Variants in KAZN observed in about 807,000 individuals in gnomAD.
KAZN encodes kazrin.
In KAZN, 40 loss-of-function variants were observed where a neutral mutation model predicts 87.4. The ratio of observed to expected loss-of-function variants is 0.46; its 90% CI spans 0.36 to 0.60. The LOEUF (loss-of-function observed/expected upper bound fraction) is 0.60. Among genes scored for constraint, KAZN ranks in the 20% least tolerant of loss-of-function variants. KAZN has a pLI of 0.00. For synonymous variants in KAZN, 466 were observed against 458.3 expected, an observed-to-expected ratio of 1.02 and a Z score of -0.22; for missense variants, 898 against 1,073.9, an observed-to-expected ratio of 0.84 and a Z score of 2.29.
chr1:14,674,402 CA>C (rs1472404483), intron 1 of KAZN, among the ~76,000 whole-genome samples: 2 of 152,182 alleles, frequency 1.3e-5, no homozygotes, highest in Admixed American at 1.3e-4. Flanking sequence ...TTGCTGAAAG[CA>C]AAGGTCACCC....
chr1:14,689,814 C>T (rs898103222), intron 1 of KAZN, among the ~76,000 whole-genome samples: 3 of 152,178 alleles, frequency 2.0e-5, no homozygotes, highest in Non-Finnish European at 2.9e-5. Flanking sequence ...TGGTGAGACC[C>T]TCAGATGGCA....
At chr1:14,571,839 G>C (rs931536547) in intron 2 of KAZN, among the ~76,000 whole-genome samples, 1 of 152,214 alleles carries the variant, frequency 6.6e-6, no homozygotes, top group Admixed American at 6.5e-5. Context: ...GGCAGGGAAG[G>C]AGAGGCAGGG....
chr1:14,595,697 A>AG (rs1484921573), upstream of KAZN, among the ~76,000 whole-genome samples: 3 of 149,042 alleles, frequency 2.0e-5, no homozygotes, highest in African/African-American at 7.7e-5. Flanking sequence ...AAAAAAAAAA[A>AG]AGAAAAAGAA....
intron 1 of KAZN, among the ~76,000 whole-genome samples, chr1:14,088,394 G>A (rs781325358): frequency 1.3e-5 from 2 of 151,562 alleles, no homozygotes; most frequent in Non-Finnish European, 3.0e-5. Context: ...TTGACCCATG[G>A]GTTATTTAGA....
intron 2 of KAZN, among the ~76,000 whole-genome samples, chr1:14,390,491 G>A (rs1489358635): frequency 6.6e-6 from 1 of 152,218 alleles, no homozygotes; most frequent in Non-Finnish European, 1.5e-5. Context: ...AGAAAGCTGT[G>A]CAAATGTTTT....
intron 2 of KAZN, among the ~76,000 whole-genome samples, chr1:14,268,324 T>C (rs1421422053): frequency 6.6e-6 from 1 of 152,206 alleles, no homozygotes; most frequent in Admixed American, 6.5e-5. Context: ...GCCTAGCACA[T>C]AGGGCCGACT....
At chr1:13,926,538 C>T (rs555477799) in intron 1 of KAZN, among the ~76,000 whole-genome samples, 6 of 152,136 alleles carry the variant, frequency 3.9e-5, no homozygotes, top group Admixed American at 6.5e-5. Flanking sequence ...GGCATGTACA[C>T]GTGTAGCCAG....
At chr1:14,078,174 A>G (rs555259142) in intron 1 of KAZN, among the ~76,000 whole-genome samples, 74 of 152,218 alleles carry the variant, frequency 4.9e-4, no homozygotes, top group Non-Finnish European at 9.4e-4. Flanking sequence ...GGGTCAGGAC[A>G]CATGGCTGGC....
chr1:14,926,774 G>A (rs889680475), intron 1 of KAZN, among the ~76,000 whole-genome samples: 2 of 152,182 alleles, frequency 1.3e-5, no homozygotes, highest in Admixed American at 6.5e-5. Context: ...CAGGCTGTGC[G>A]GTGGCTCTTC....
Position 14,292,114 on chromosome 1 carries a change from G to A in KAZN, c.249+111522G>A, listed in dbSNP as rs957860364. Among the ~76,000 whole-genome samples the A allele has an allele frequency of 9.2e-5, 14 of 152,184 alleles. 1 individual carries two copies. The highest frequency in any genetic ancestry group is 5.9e-5 in the Non-Finnish European group (4 of 68,032). ...GAACCTAGGGGCAACATTAAGTGAT[G>A]ACTTATAGTATGTTGTATGTATGCT... On this transcript the variant is annotated intron_variant, in intron 2 of 16. Coordinates refer to the KAZN transcript ENST00000636203.
At position 15,108,698 on chromosome 1, in the gene KAZN, AC is replaced by A. The variant is rs373394013; in HGVS notation, c.2049-3728del. ...GGGCTGGCCCACCTGGTGGAGGCTG[AC>A]TCCCAACCCCCAACCTTCCTTCCTG... On this transcript the variant is annotated intron_variant, in intron 13 of 14. Transcript: ENST00000376030. Among the ~76,000 whole-genome samples the A allele has an allele frequency of 1.9e-3, 295 of 152,120 alleles. 2 individuals are homozygous for A. The highest frequency in any genetic ancestry group is 6.7e-3 in the African/African-American group (276 of 41,488).
chr1:14,018,800 C>A (rs759307840), intron 1 of KAZN, among the ~76,000 whole-genome samples: 5 of 152,176 alleles, frequency 3.3e-5, no homozygotes, highest in African/African-American at 1.2e-4. Flanking sequence ...ACACCATGGT[C>A]CCCCTGAGTT....
intron 2 of KAZN, among the ~76,000 whole-genome samples, chr1:14,196,635 A>G (rs1331496055): frequency 6.6e-6 from 1 of 152,090 alleles, no homozygotes; most frequent in Non-Finnish European, 1.5e-5. Context: ...CAGAATCAAG[A>G]GTTTGGGTTG....
intron 1 of KAZN, among the ~76,000 whole-genome samples, chr1:14,907,060 G>A (rs1489800902): frequency 6.6e-6 from 1 of 151,676 alleles, no homozygotes; most frequent in African/African-American, 2.4e-5. Flanking sequence ...ACTCCTCGGA[G>A]TTTATTAGAA....
intron 1 of KAZN, among the ~76,000 whole-genome samples, chr1:13,897,074 TG>T (rs1639072157): frequency 6.6e-6 from 1 of 152,204 alleles, no homozygotes; most frequent in Non-Finnish European, 1.5e-5. Context: ...AACCAAAGGT[TG>T]GCAAGCTACA....
intron 2 of KAZN, among the ~76,000 whole-genome samples, chr1:14,992,943 C>G (rs1363839230): frequency 6.6e-6 from 1 of 151,688 alleles, no homozygotes; most frequent in Non-Finnish European, 1.5e-5. Flanking sequence ...TGCACCCAGC[C>G]AAAATGGTTA....
intron 1 of KAZN, among the ~76,000 whole-genome samples, chr1:13,967,623 T>C (rs897425961): frequency 2.0e-5 from 3 of 152,154 alleles, no homozygotes; most frequent in African/African-American, 7.2e-5. Flanking sequence ...CCAATGATAG[T>C]GCGTTGCCTC....
intron 1 of KAZN, among the ~76,000 whole-genome samples, chr1:14,958,771 A>G (rs1269390711): frequency 6.6e-6 from 1 of 152,122 alleles, no homozygotes; most frequent in Non-Finnish European, 1.5e-5. Flanking sequence ...CGGTCTAGCC[A>G]GGGCTGCCCT....
At chr1:14,514,495 ATG>A (rs1259339919) in intron 2 of KAZN, among the ~76,000 whole-genome samples, 4 of 72,684 alleles carry the variant, frequency 5.5e-5, no homozygotes, top group African/African-American at 1.9e-4. Context: ...ATATTTATAT[ATG>A]TAAAATATAT....
Sources: allele counts gnomAD v4.1 joint callset (sites outside exome capture counted in the v4.1 genomes callset), GRCh38; gene constraint gnomAD v4.1.1; transcripts MANE v1.5; gene names NCBI Gene and HGNC (gene_info 2026-07-23, HGNC 2026-07-21).